EHBP1: variants seen among roughly 807,000 people sequenced by gnomAD.
The protein encoded by EHBP1 is EH domain binding protein 1, also known as EH domain-binding protein 1.
In EHBP1, 55 loss-of-function variants were observed where a neutral mutation model predicts 144.0. The observed-to-expected ratio is 0.38, with a 90% CI of 0.31 to 0.48. EHBP1 has a LOEUF of 0.48. EHBP1 is among the 20% of genes least tolerant of loss of function. The pLI is 0.98. For synonymous variants in EHBP1, 469 were observed against 472.7 expected (o/e 0.99, Z 0.10); for missense variants, 1,200 against 1,364.2 (o/e 0.88, Z 1.90).
upstream of EHBP1, among the ~76,000 whole-genome samples, chr2:62,700,866 T>C (rs899706723): frequency 6.6e-6 from 1 of 152,200 alleles, no homozygotes; most frequent in Non-Finnish European, 1.5e-5. Flanking sequence ...TCCAAAATCT[T>C]GGCTGGCCTA....
At chr2:62,906,596 T>C (rs1014573368) in intron 10 of EHBP1, among the ~76,000 whole-genome samples, 19 of 152,206 alleles carry the variant, frequency 1.2e-4, no homozygotes, top group African/African-American at 4.6e-4. Flanking sequence ...TTGAGTTAAT[T>C]CTAGATTTAC....
Position 62,948,792 on chromosome 2 carries a change from T to A in EHBP1, c.1946T>A (p.Leu649Ter), listed in dbSNP as rs1260444820. The A allele has an allele frequency of 6.2e-7, 1 of 1,613,958 alleles. No homozygotes were observed. The highest frequency in any genetic ancestry group is 8.5e-7 in the Non-Finnish European group (1 of 1,179,992). ...NTDSTQAQVL[L>*]GKKRLLKAET... ...GATTCAACCCAAGCACAGGTTTTGT[T>A]AGGCAAAAAGAGACTATTGAAAGCT... is the stretch of plus-strand genomic sequence containing the variant. The change falls in exon 13 of 23, where the codon TTA becomes TAA. Residue 649 changes from leucine to a stop codon, truncating the protein, a stop_gained. Coordinates refer to ENST00000431489, the MANE Select transcript of EHBP1 (RefSeq NM_001142616.3). LOFTEE classifies it high-confidence loss of function.
At chr2:62,884,309 A>G (rs2152887106) in intron 10 of EHBP1, among the ~76,000 whole-genome samples, 1 of 152,320 alleles carries the variant, frequency 6.6e-6, no homozygotes, top group East Asian at 1.9e-4. Flanking sequence ...AATAGAGGTG[A>G]GTAATGAGAT....
rs1330981069 is a variant in EHBP1 at position 62,707,082 on chromosome 2, T to C, written c.-110T>C. The C allele has an allele frequency of 1.0e-5, 8 of 772,768 alleles. No homozygotes were observed. Among genetic ancestry groups the C allele is most frequent in the Non-Finnish European group, 1.1e-5 (5 of 445,716 alleles). The allele number at this position is 772,768 out of a possible 1,614,324, so 47.9% of individuals were successfully genotyped here. ...CCCCAAGCATCATTTCGAGTTGTAG[T>C]TGAGTTTTTAAAAGACATACATGCA... is the stretch of plus-strand genomic sequence containing the variant. On this transcript the variant is annotated 5_prime_UTR_variant, in exon 2 of 23. Coordinates refer to ENST00000431489, the MANE Select transcript of EHBP1 (RefSeq NM_001142616.3).
At chr2:62,827,914 C>T (rs909262239) in intron 6 of EHBP1, among the ~76,000 whole-genome samples, 2 of 152,146 alleles carry the variant, frequency 1.3e-5, no homozygotes, top group African/African-American at 4.8e-5. Flanking sequence ...AGTGATCCGC[C>T]CACCTCGGCC....
intron 10 of EHBP1, among the ~76,000 whole-genome samples, chr2:62,875,898 C>T (rs751884973): frequency 6.6e-6 from 1 of 152,022 alleles, no homozygotes; most frequent in African/African-American, 2.4e-5. Context: ...AGCTTGGAGA[C>T]CAATTCTTCT....
At chr2:62,751,396 T>C (rs1309006241) in intron 3 of EHBP1, among the ~76,000 whole-genome samples, 2 of 152,234 alleles carry the variant, frequency 1.3e-5, no homozygotes, top group Non-Finnish European at 2.9e-5. Context: ...CAGTATTTTA[T>C]TGAGGATTTT....
chr2:62,831,135 A>T lies in EHBP1; in HGVS notation c.611A>T (p.Glu204Val). The change falls in exon 7 of 23, where the codon GAA (glutamate) becomes GTA (valine). Residue 204 changes from glutamate (E) to valine (V), a missense_variant. Physicochemically the swap from Glu to Val is moderately radical, Grantham distance 121. Coordinates refer to ENST00000431489, the MANE Select transcript of EHBP1 (RefSeq NM_001142616.3). ...EDDDENRVNQ[E>V]EKAAKITELI... ...GATGATGAGAACAGAGTGAACCAAG[A>T]AGAAAAGGCAGCTAAAATTACAGGT... The T allele has an allele frequency of 6.3e-7, 1 of 1,597,460 alleles. No individual in the cohort carries two copies. Among genetic ancestry groups the T allele is most frequent in the Non-Finnish European group, 8.5e-7 (1 of 1,175,162 alleles).
chr2:62,789,014 CA>C (rs1291712697), intron 5 of EHBP1, among the ~76,000 whole-genome samples: 1 of 152,202 alleles, frequency 6.6e-6, no homozygotes, highest in Non-Finnish European at 1.5e-5. Flanking sequence ...TTGTCTTTGG[CA>C]GCTGTCTTCT....
chr2:63,013,728 G>A (rs937023961), intron 19 of EHBP1, among the ~76,000 whole-genome samples: 5 of 152,106 alleles, frequency 3.3e-5, no homozygotes, highest in African/African-American at 9.7e-5. Flanking sequence ...TGAGAATTTC[G>A]AATGCTTTTT....
At chr2:62,783,210 T>C (rs1355839742) in intron 5 of EHBP1, among the ~76,000 whole-genome samples, 1 of 152,240 alleles carries the variant, frequency 6.6e-6, no homozygotes, top group Non-Finnish European at 1.5e-5. Context: ...TCCACCTCTG[T>C]GGCTCTGCAG....
At chr2:62,865,248 T>C (rs1371750265) in intron 9 of EHBP1, among the ~76,000 whole-genome samples, 1 of 152,224 alleles carries the variant, frequency 6.6e-6, no homozygotes, top group Non-Finnish European at 1.5e-5. Flanking sequence ...GAAACTATAT[T>C]ATAAATGGTA....
chr2:62,973,365 T>C (rs185119681), intron 14 of EHBP1, among the ~76,000 whole-genome samples: 108 of 152,338 alleles, frequency 7.1e-4, no homozygotes, highest in African/African-American at 2.5e-3. Context: ...TAACTTTTCT[T>C]AAGTTTGGAA....
chr2:62,939,127 G>T (rs1036059588), intron 10 of EHBP1, among the ~76,000 whole-genome samples: 1 of 152,144 alleles, frequency 6.6e-6, no homozygotes, highest in African/African-American at 2.4e-5. Flanking sequence ...ATTTTATTTA[G>T]TGAGAGCAGA....
chr2:62,730,883 G>GAC (rs377545416), intron 2 of EHBP1, among the ~76,000 whole-genome samples: 5 of 146,056 alleles, frequency 3.4e-5, no homozygotes, highest in Non-Finnish European at 6.1e-5. Context: ...GGCAGAGAAA[G>GAC]AGTAAGACAG....
intron 8 of EHBP1, among the ~76,000 whole-genome samples, chr2:62,861,955 G>C (rs1419667249): frequency 6.6e-6 from 1 of 151,968 alleles, no homozygotes; most frequent in Non-Finnish European, 1.5e-5. Flanking sequence ...AGTTTCTTAA[G>C]CATTTGAGCC....
chr2:62,826,027 A>G, intron 5 of EHBP1, 60 bp from the exon 6 acceptor site: 3 of 1,242,096 alleles, frequency 2.4e-6, no homozygotes, highest in Non-Finnish European at 3.2e-6. Context: ...ATCGTACTTT[A>G]AAATGTTTGG....
chr2:62,979,271 A>C lies in EHBP1; in HGVS notation c.2544A>C (p.Ser848=). 1 of 1,613,988 alleles carries C rather than the reference A, an allele frequency of 6.2e-7. No homozygotes were observed. Among genetic ancestry groups the C allele is most frequent in the Non-Finnish European group, 8.5e-7 (1 of 1,179,914 alleles). ...AAGCTCGATCTGGAGTGAAGATGTC[A>C]GAACTTCCCAGCTATGGTGAAATGG... is the stretch of plus-strand genomic sequence containing the variant. ...IAEARSGVKM[S]ELPSYGEMAA... is the part of the protein sequence containing the mutation. The change falls in exon 15 of 23, where the codon TCA becomes TCC. Residue 848 remains serine, a synonymous_variant. Transcript: ENST00000431489.
At chr2:62,900,056 A>G (rs1177690153) in intron 10 of EHBP1, among the ~76,000 whole-genome samples, 1 of 152,196 alleles carries the variant, frequency 6.6e-6, no homozygotes, top group Non-Finnish European at 1.5e-5. Flanking sequence ...TGAATCTTCT[A>G]TTTACAAAAA....
Sources: allele counts gnomAD v4.1 joint callset (sites outside exome capture counted in the v4.1 genomes callset), GRCh38; gene constraint gnomAD v4.1.1; transcripts MANE v1.5; gene names NCBI Gene and HGNC (gene_info 2026-07-23, HGNC 2026-07-21).